The following LRP1B variants were observed in gnomAD, a reference collection of about 807,000 sequenced individuals.
LRP1B encodes low-density lipoprotein receptor-related protein 1B.
LRP1B carries 217 observed loss-of-function variants against 556.6 expected under a neutral mutation model. That is an observed-to-expected ratio of 0.39 (90% CI 0.35 to 0.44). LRP1B has a LOEUF of 0.44. Ranked by LOEUF, LRP1B falls within the 20% of genes least tolerant of loss-of-function variation. The pLI is 1.00. For missense variants in LRP1B, 5,053 were observed against 5,620.8 expected (o/e 0.90, Z 3.23); for synonymous variants, 2,047 against 1,865.8 (o/e 1.10, Z -2.50).
At chr2:141,809,304 TAAATGGAAAGATGA>T (rs1696261357) in intron 2 of LRP1B, among the ~76,000 whole-genome samples, 1 of 152,060 alleles carries the variant, frequency 6.6e-6, no homozygotes, top group Admixed American at 6.6e-5. Context: ...GCAAGACTTG[TAAATGGAAAGATGA>T]AAATGGAAAA....
chr2:140,934,736 A>T lies in LRP1B; in HGVS notation c.3137-11589T>A, dbSNP rs1001932322. Among the ~76,000 whole-genome samples, 5 of 152,240 alleles carry T rather than the reference A, an allele frequency of 3.3e-5. No individual in the cohort carries two copies. In the East Asian group the frequency reaches 9.7e-4, roughly 30 times the overall value. On this transcript the variant is annotated intron_variant, in intron 20 of 90. Transcript: ENST00000389484. Reference sequence around the variant, plus strand: ...TGTCACTGACCGCAAAGGTGCAAAGAGGTGGTGGCCATTGTCATTGCACCT... The same window carrying T: ...TGTCACTGACCGCAAAGGTGCAAAGTGGTGGTGGCCATTGTCATTGCACCT...
intron 3 of LRP1B, among the ~76,000 whole-genome samples, chr2:141,416,781 C>G (rs1193108778): frequency 6.6e-6 from 1 of 152,066 alleles, no homozygotes; most frequent in Admixed American, 6.6e-5. Context: ...TTAAACAGTG[C>G]TCTGTGGAAT....
chr2:141,787,904 C>G (rs534906470), intron 2 of LRP1B, among the ~76,000 whole-genome samples: 1 of 151,848 alleles, frequency 6.6e-6, no homozygotes, highest in African/African-American at 2.4e-5. Context: ...TTTTACTTTT[C>G]CATAAGTTTA....
At chr2:140,533,314 A>AT (rs1690804360) in intron 47 of LRP1B, among the ~76,000 whole-genome samples, 1 of 152,066 alleles carries the variant, frequency 6.6e-6, no homozygotes, top group Admixed American at 6.6e-5. Context: ...TTATTTAATT[A>AT]TTTTTTCTAC....
intron 61 of LRP1B, among the ~76,000 whole-genome samples, chr2:140,457,020 A>G (rs1687133993): frequency 6.6e-6 from 1 of 152,180 alleles, no homozygotes; most frequent in African/African-American, 2.4e-5. Flanking sequence ...AAAATAATCA[A>G]ACCTTTATTT....
chr2:141,314,348 C>T (rs1290878828), intron 3 of LRP1B, among the ~76,000 whole-genome samples: 1 of 152,142 alleles, frequency 6.6e-6, no homozygotes, highest in Admixed American at 6.5e-5. Flanking sequence ...ATAGTCACCA[C>T]TCTTCCATAT....
At chr2:141,525,214 G>A (rs1235292706) in intron 2 of LRP1B, among the ~76,000 whole-genome samples, 1 of 152,062 alleles carries the variant, frequency 6.6e-6, no homozygotes. Context: ...GCTCGGCTGA[G>A]AGAAAGATAT....
chr2:141,003,080 A>G (rs970990431), intron 15 of LRP1B, among the ~76,000 whole-genome samples: 13 of 152,030 alleles, frequency 8.6e-5, no homozygotes, highest in African/African-American at 3.1e-4. Flanking sequence ...ACAATGTCCA[A>G]TTGTTATGTC....
intron 63 of LRP1B, among the ~76,000 whole-genome samples, chr2:140,447,844 G>T (rs2105309783): frequency 6.6e-6 from 1 of 152,130 alleles, no homozygotes; most frequent in East Asian, 1.9e-4. Context: ...TGGGCTATTA[G>T]TTGACCTAAT....
chr2:141,302,907 T>C lies in LRP1B; in HGVS notation c.344-48266A>G, dbSNP rs548923022. Among the ~76,000 whole-genome samples, 8 of 152,150 alleles carry C rather than the reference T, an allele frequency of 5.3e-5. No individual in the cohort carries two copies. In the East Asian group the frequency reaches 1.5e-3, roughly 29 times the overall value. ...AGAAATCCTTGTGCAATATCAATAA[T>C]TAAATTTTTACCACTCACTTTTTAT... On this transcript the variant is annotated intron_variant, in intron 3 of 90. Coordinates refer to ENST00000389484, the MANE Select transcript of LRP1B (RefSeq NM_018557.3).
chr2:140,915,062 T>A (rs1470527703), intron 21 of LRP1B, among the ~76,000 whole-genome samples: 2 of 152,128 alleles, frequency 1.3e-5, no homozygotes, highest in Non-Finnish European at 1.5e-5. Context: ...TAAGAAATCT[T>A]TCCTGGTGAC....
intron 3 of LRP1B, among the ~76,000 whole-genome samples, chr2:141,358,109 T>G (rs2105556917): frequency 6.6e-6 from 1 of 152,324 alleles, no homozygotes; most frequent in East Asian, 1.9e-4. Flanking sequence ...TTTATGTCAC[T>G]TAAAATGAAT....
intron 29 of LRP1B, among the ~76,000 whole-genome samples, chr2:140,845,955 G>C (rs759228634): frequency 8.5e-5 from 13 of 152,104 alleles, no homozygotes; most frequent in Admixed American, 1.3e-4. Context: ...GACTGAGTTA[G>C]AGAAAACAGA....
chr2:140,881,809 T>C (rs1160392724), intron 25 of LRP1B, among the ~76,000 whole-genome samples: 1 of 152,194 alleles, frequency 6.6e-6, no homozygotes, highest in Non-Finnish European at 1.5e-5. Flanking sequence ...CGAGGATATT[T>C]CACACTGAAA....
At chr2:141,898,536 G>A (rs1032054155) in intron 1 of LRP1B, among the ~76,000 whole-genome samples, 1 of 152,028 alleles carries the variant, frequency 6.6e-6, no homozygotes, top group African/African-American at 2.4e-5. Flanking sequence ...AATTATACCA[G>A]GAATAAGAAA....
intron 2 of LRP1B, among the ~76,000 whole-genome samples, chr2:141,703,944 A>T (rs182638498): frequency 1.3e-5 from 2 of 152,016 alleles, no homozygotes; most frequent in African/African-American, 4.8e-5. Context: ...TGCCACTCCC[A>T]TTCTGCCACT....
chr2:141,274,761 T>C (rs1685222213), intron 3 of LRP1B, among the ~76,000 whole-genome samples: 1 of 152,128 alleles, frequency 6.6e-6, no homozygotes, highest in African/African-American at 2.4e-5. Flanking sequence ...AAACTAGACA[T>C]TACAATGGCA....
intron 1 of LRP1B, among the ~76,000 whole-genome samples, chr2:141,823,273 G>A (rs568414636): frequency 6.6e-6 from 1 of 152,244 alleles, no homozygotes; most frequent in East Asian, 1.9e-4. Context: ...AAGCTCTCCT[G>A]CATTGCTCTA....
At position 140,344,035 on chromosome 2, in the gene LRP1B, T is replaced by G. The variant is rs142467808; in HGVS notation, c.11892+6762A>C. Among the ~76,000 whole-genome samples, 396 of 151,866 alleles carry G rather than the reference T, an allele frequency of 2.6e-3. 2 individuals carry two copies. The highest frequency in any genetic ancestry group is 9.1e-3 in the African/African-American group (377 of 41,504). ...TGATTGCGATGATGGTCAGAACTTG[T>G]GAAATTGTATATGCTGTGTATATTT... On this transcript the variant is annotated intron_variant, in intron 77 of 90. Transcript: ENST00000389484.
Sources: allele counts gnomAD v4.1 joint callset (sites outside exome capture counted in the v4.1 genomes callset), GRCh38; gene constraint gnomAD v4.1.1; transcripts MANE v1.5; gene names NCBI Gene and HGNC (gene_info 2026-07-23, HGNC 2026-07-21).